The following SKAP1 variants were observed in gnomAD, a reference collection of about 807,000 sequenced individuals.
SKAP1 encodes src kinase-associated phosphoprotein 1.
SKAP1 carries 44 observed loss-of-function variants against 58.5 expected under a neutral mutation model. That is an observed-to-expected ratio of 0.75 (90% CI 0.59 to 0.97). SKAP1 has a LOEUF of 0.97. SKAP1 is among the 50% of genes least tolerant of loss of function. The pLI is 0.00. For synonymous variants in SKAP1, 127 were observed against 149.7 expected (o/e 0.85, Z 1.11); for missense variants, 390 against 435.2 (o/e 0.90, Z 0.92).
intron 2 of SKAP1, among the ~76,000 whole-genome samples, chr17:48,371,263 C>T (rs753607117): frequency 6.6e-5 from 10 of 152,020 alleles, no homozygotes; most frequent in Non-Finnish European, 1.0e-4. Flanking sequence ...GCACATGTAC[C>T]CCCTGTGTCC....
intron 2 of SKAP1, among the ~76,000 whole-genome samples, chr17:48,391,340 A>G (rs1407327195): frequency 2.0e-5 from 3 of 152,208 alleles, no homozygotes; most frequent in Non-Finnish European, 2.9e-5. Flanking sequence ...AGCTATTTTG[A>G]AAGGACAGAG....
At chr17:48,187,698 A>G in intron 6 of SKAP1, 145 bp downstream of exon 6, 1 of 572,950 alleles carries the variant, frequency 1.7e-6, no homozygotes. Context: ...GCAAGGTATT[A>G]TTTGTCCATG....
chr17:48,259,651 T>C (rs2065464674), intron 4 of SKAP1, among the ~76,000 whole-genome samples: 1 of 152,148 alleles, frequency 6.6e-6, no homozygotes, highest in African/African-American at 2.4e-5. Flanking sequence ...TTTGCAGCAA[T>C]ACAATTATCA....
At chr17:48,355,253 T>C (rs1375478964) in intron 3 of SKAP1, among the ~76,000 whole-genome samples, 4 of 152,196 alleles carry the variant, frequency 2.6e-5, no homozygotes, top group African/African-American at 4.8e-5. Context: ...TATTATACAA[T>C]ACTAATTTAA....
At chr17:48,430,686 A>G (rs1384720323), upstream of SKAP1, among the ~76,000 whole-genome samples, 1 of 152,222 alleles carries the variant, frequency 6.6e-6, no homozygotes, top group Non-Finnish European at 1.5e-5. Flanking sequence ...TTGAAAGGAA[A>G]TGATTAATTC....
intron 4 of SKAP1, among the ~76,000 whole-genome samples, chr17:48,246,128 C>T (rs2065293700): frequency 6.6e-6 from 1 of 152,196 alleles, no homozygotes; most frequent in Admixed American, 6.5e-5. Flanking sequence ...CATTTTAACA[C>T]ACATATAAAA....
At chr17:48,282,697 C>A (rs1452664) in intron 4 of SKAP1, among the ~76,000 whole-genome samples, 1 of 151,778 alleles carries the variant, frequency 6.6e-6, no homozygotes, top group Admixed American at 6.6e-5. Context: ...TTGCTTGAGC[C>A]TAGGAGGTCA....
Position 48,187,863 on chromosome 17 carries a change from T to C in SKAP1, c.422A>G (p.Tyr141Cys). 6.2e-6 allele frequency: 10 copies of C among 1,612,250 alleles called. No homozygotes were observed. Among genetic ancestry groups the C allele is most frequent in the Non-Finnish European group, 7.6e-6 (9 of 1,178,290 alleles). ...RWCVVSRGLF[Y>C]YYANEKSKQP... is the part of the protein sequence containing the mutation. Reference sequence around the variant, plus strand: ...CTTACTCTTCTCATTAGCATAGTAGTAGAAGAGACCTCTGCTGACAACACA... The same window carrying C: ...CTTACTCTTCTCATTAGCATAGTAGCAGAAGAGACCTCTGCTGACAACACA... The change falls in exon 6 of 13, where the codon TAC becomes TGC. Residue 141 changes from tyrosine (Y) to cysteine (C), a missense_variant. Coordinates refer to ENST00000336915, the MANE Select transcript of SKAP1 (RefSeq NM_003726.4).
chr17:48,142,497 A>T (rs898912517), intron 11 of SKAP1, among the ~76,000 whole-genome samples: 1 of 152,114 alleles, frequency 6.6e-6, no homozygotes, highest in Non-Finnish European at 1.5e-5. Flanking sequence ...CAAACAAAAA[A>T]ACTTGTTAAA....
At chr17:48,301,748 A>T (rs1034183357) in intron 4 of SKAP1, among the ~76,000 whole-genome samples, 1 of 152,138 alleles carries the variant, frequency 6.6e-6, no homozygotes, top group African/African-American at 2.4e-5. Flanking sequence ...AAGTGCTGGG[A>T]TTACAGGCGT....
intron 4 of SKAP1, among the ~76,000 whole-genome samples, chr17:48,294,003 G>A (rs1043884170): frequency 6.6e-6 from 1 of 152,172 alleles, no homozygotes; most frequent in Non-Finnish European, 1.5e-5. Flanking sequence ...ACAAAAATCC[G>A]ATTGGTGCTT....
At chr17:48,303,828 A>G (rs190311543) in intron 4 of SKAP1, among the ~76,000 whole-genome samples, 3 of 152,300 alleles carry the variant, frequency 2.0e-5, no homozygotes, top group East Asian at 1.9e-4. Context: ...CTTGCTATCT[A>G]TGAAATAAAC....
intron 4 of SKAP1, among the ~76,000 whole-genome samples, chr17:48,211,012 TG>T (rs751149837): frequency 1.4e-4 from 22 of 152,114 alleles, no homozygotes; most frequent in Non-Finnish European, 1.5e-5. Flanking sequence ...ATAAAAAGAC[TG>T]GGGGGAGGCA....
chr17:48,223,043 G>T (rs1312606663), intron 4 of SKAP1, among the ~76,000 whole-genome samples: 2 of 116,258 alleles, frequency 1.7e-5, no homozygotes, highest in African/African-American at 6.5e-5. Context: ...TAGCCTGGGC[G>T]ACAGGGTGAG....
chr17:48,349,386 A>G (rs1392799902), intron 3 of SKAP1, among the ~76,000 whole-genome samples: 2 of 152,184 alleles, frequency 1.3e-5, no homozygotes, highest in Admixed American at 6.5e-5. Context: ...ATCTGCTTAG[A>G]GTGGATTTCT....
At chr17:48,403,610 A>C (rs1299121618) in intron 1 of SKAP1, among the ~76,000 whole-genome samples, 1 of 152,182 alleles carries the variant, frequency 6.6e-6, no homozygotes, top group African/African-American at 2.4e-5. Context: ...GCCTTGCTAC[A>C]AAATAAGCAT....
intron 2 of SKAP1, among the ~76,000 whole-genome samples, chr17:48,394,194 G>T (rs1280824532): frequency 6.6e-6 from 1 of 152,102 alleles, no homozygotes; most frequent in Non-Finnish European, 1.5e-5. Flanking sequence ...CTGCACTCCA[G>T]CCTGGGCCAC....
chr17:48,153,444 G>C (rs1481303108), intron 11 of SKAP1, among the ~76,000 whole-genome samples: 1 of 152,146 alleles, frequency 6.6e-6, no homozygotes, highest in Non-Finnish European at 1.5e-5. Flanking sequence ...CCTTCCAGCT[G>C]ACCCCAAATC....
intron 4 of SKAP1, among the ~76,000 whole-genome samples, chr17:48,220,141 A>G (rs1033708767): frequency 3.9e-5 from 6 of 152,224 alleles, no homozygotes; most frequent in Non-Finnish European, 5.9e-5. Flanking sequence ...TGTTTGGTAG[A>G]ATCTCCTAAA....
Sources: allele counts gnomAD v4.1 joint callset (sites outside exome capture counted in the v4.1 genomes callset), GRCh38; gene constraint gnomAD v4.1.1; transcripts MANE v1.5; gene names NCBI Gene and HGNC (gene_info 2026-07-23, HGNC 2026-07-21).